Variants in CDC20B observed in about 807,000 individuals in gnomAD.
CDC20B encodes cell division cycle 20B, also known as cell division cycle protein 20 homolog B.
In CDC20B, 58 loss-of-function variants were observed where a neutral mutation model predicts 64.1. That is an observed-to-expected ratio of 0.90 (90% CI 0.73 to 1.13). CDC20B has a LOEUF of 1.13. Among genes scored for constraint, CDC20B ranks in the 50% most tolerant of loss-of-function variants. The pLI, the probability that CDC20B is intolerant of heterozygous loss-of-function variation, is 0.00. For synonymous variants in CDC20B, 243 were observed against 230.6 expected, an observed-to-expected ratio of 1.05 and a Z score of -0.49; for missense variants, 597 against 633.0, an observed-to-expected ratio of 0.94 and a Z score of 0.61.
At chr5:55,118,131 T>A (rs935953862) in intron 11 of CDC20B, among the ~76,000 whole-genome samples, 1 of 151,476 alleles carries the variant, frequency 6.6e-6, no homozygotes, top group Non-Finnish European at 1.5e-5. Flanking sequence ...AAAAAATAAA[T>A]AAAAAGAAAA....
intron 6 of CDC20B, among the ~76,000 whole-genome samples, chr5:55,132,805 T>C (rs1743063308): frequency 6.6e-6 from 1 of 152,206 alleles, no homozygotes; most frequent in Non-Finnish European, 1.5e-5. Context: ...TTAAATATCT[T>C]AATTACCAAC....
intron 2 of CDC20B, chr5:55,161,146 C>A (rs542981574): frequency 4.4e-5 from 71 of 1,614,068 alleles, no homozygotes; most frequent in Non-Finnish European, 6.0e-5. Context: ...CCCGCCCAAG[C>A]AAGGAAGTAG....
intron 4 of CDC20B, 105 bp from the exon 5 acceptor site, chr5:55,140,512 T>C (rs1283172886): frequency 6.0e-6 from 4 of 662,062 alleles, no homozygotes; most frequent in South Asian, 4.5e-5. Context: ...ACTAAGGAGT[T>C]CAAAGATTCC....
chr5:55,140,222 T>C, intron 5 of CDC20B, 92 bp downstream of exon 5: 1 of 662,926 alleles, frequency 1.5e-6, no homozygotes, highest in South Asian at 2.8e-5. Flanking sequence ...GTCTAGTAAA[T>C]ATTAAAAATA....
chr5:55,150,408 G>A (rs969624854), intron 2 of CDC20B, among the ~76,000 whole-genome samples: 3 of 152,220 alleles, frequency 2.0e-5, no homozygotes, highest in African/African-American at 7.2e-5. Flanking sequence ...AAGCGTGTGT[G>A]AGGGTGCTGG....
At chr5:55,153,997 A>G (rs10045164) in intron 2 of CDC20B, among the ~76,000 whole-genome samples, 18,734 of 152,150 alleles carry the variant, frequency 0.12, 1,278 homozygotes, top group East Asian at 0.25. Flanking sequence ...CCAGAACAGG[A>G]GCAATCTAAA....
intron 2 of CDC20B, among the ~76,000 whole-genome samples, chr5:55,156,894 A>T (rs1269855110): frequency 6.6e-6 from 1 of 152,078 alleles, no homozygotes; most frequent in Non-Finnish European, 1.5e-5. Flanking sequence ...AATAATAAAT[A>T]AAAAAATAAG....
At chr5:55,119,114 C>T (rs920042793) in intron 11 of CDC20B, among the ~76,000 whole-genome samples, 2 of 152,112 alleles carry the variant, frequency 1.3e-5, no homozygotes, top group East Asian at 1.9e-4. Context: ...AGGAAAAAGA[C>T]GGGATATATA....
intron 2 of CDC20B, among the ~76,000 whole-genome samples, chr5:55,158,811 C>T (rs1261331012): frequency 6.6e-6 from 1 of 152,094 alleles, no homozygotes; most frequent in Non-Finnish European, 1.5e-5. Context: ...AATTCATGAC[C>T]GTTAGCAACA....
At chr5:55,170,113 C>CAA (rs562531866) in intron 2 of CDC20B, among the ~76,000 whole-genome samples, 13,378 of 135,162 alleles carry the variant, frequency 0.099, 729 homozygotes, top group East Asian at 0.27. Context: ...GACTCCGTCT[C>CAA]AAAAAAAAAA....
intron 2 of CDC20B, among the ~76,000 whole-genome samples, chr5:55,169,421 T>G (rs1434320787): frequency 6.6e-6 from 1 of 152,248 alleles, no homozygotes; most frequent in Non-Finnish European, 1.5e-5. Flanking sequence ...TTCCACTGAC[T>G]GGCTGCAAAT....
At chr5:55,163,329 C>G (rs1744190694) in intron 2 of CDC20B, among the ~76,000 whole-genome samples, 1 of 151,868 alleles carries the variant, frequency 6.6e-6, no homozygotes, top group Admixed American at 6.6e-5. Flanking sequence ...CAAGCCCATC[C>G]CGGGCAACAC....
Position 55,128,810 on chromosome 5 carries a change from CA to C in CDC20B, c.698-194del, listed in dbSNP as rs75041468. Among the ~76,000 whole-genome samples, 640 of 152,286 alleles carry C rather than the reference CA, an allele frequency of 4.2e-3. 31 individuals are homozygous for C. In the East Asian group the frequency reaches 0.11, roughly 26 times the overall value. The stretch of plus-strand genomic sequence containing the variant: ...GAATAGAATCTAGTGTCAACACTCA[CA>C]GTCTAATAAGCAATAATGCTTATTA... On this transcript the variant is annotated intron_variant, in intron 6 of 11. Transcript: ENST00000381375.
intron 6 of CDC20B, among the ~76,000 whole-genome samples, chr5:55,131,876 C>T (rs189127908): frequency 1.1e-4 from 16 of 152,168 alleles, no homozygotes; most frequent in African/African-American, 3.4e-4. Flanking sequence ...ACTAGCCTGG[C>T]CAATATGGTG....
intron 2 of CDC20B, chr5:55,160,939 T>A (rs1023783443): frequency 4.5e-6 from 7 of 1,561,742 alleles, no homozygotes; most frequent in Admixed American, 2.0e-5. Context: ...ACTTGCAGAA[T>A]TTTTTAAAAT....
intron 2 of CDC20B, chr5:55,160,413 G>A: frequency 1.3e-6 from 2 of 1,582,336 alleles, no homozygotes; most frequent in Non-Finnish European, 1.7e-6. Context: ...TGCATCATCT[G>A]ATTTTTATTG....
intron 8 of CDC20B, chr5:55,126,278 A>T (rs796786499): frequency 6.4e-6 from 1 of 155,418 alleles, no homozygotes; most frequent in East Asian, 1.9e-4. Context: ...AGGCAGGTGG[A>T]TCACAAGGTC....
At chr5:55,128,286 G>A in intron 7 of CDC20B, 135 bp downstream of exon 7, 2 of 482,916 alleles carry the variant, frequency 4.1e-6, no homozygotes, top group Non-Finnish European at 6.8e-6. Flanking sequence ...AAAGCGGAAT[G>A]TCATCTCCTT....
intron 2 of CDC20B, chr5:55,161,274 T>A: frequency 6.2e-7 from 1 of 1,604,410 alleles, no homozygotes; most frequent in Non-Finnish European, 8.5e-7. Flanking sequence ...CTGCCTTGCA[T>A]ATGCTGTTTT....
Sources: allele counts gnomAD v4.1 joint callset (sites outside exome capture counted in the v4.1 genomes callset), GRCh38; gene constraint gnomAD v4.1.1; transcripts MANE v1.5; gene names NCBI Gene and HGNC (gene_info 2026-07-23, HGNC 2026-07-21).